TPCN2: variants seen among roughly 807,000 people sequenced by gnomAD.
TPCN2 encodes two pore segment channel 2.
Under a neutral mutation model 111.4 loss-of-function variants are expected in TPCN2, and 92 were observed. The ratio of observed to expected loss-of-function variants is 0.83; its 90% CI spans 0.70 to 0.98. The LOEUF is 0.98. Ranked by LOEUF, TPCN2 falls within the 50% of genes least tolerant of loss-of-function variation. TPCN2 has a pLI of 0.00. For missense variants in TPCN2, 995 were observed against 980.1 expected (o/e 1.02, Z -0.20); for synonymous variants, 405 against 414.5 (o/e 0.98, Z 0.28).
At chr11:69,050,026 C>G (rs865813876) in intron 1 of TPCN2, among the ~76,000 whole-genome samples, 1 of 152,220 alleles carries the variant, frequency 6.6e-6, no homozygotes, top group Non-Finnish European at 1.5e-5. Flanking sequence ...TCCTTCTTTC[C>G]TCCTCTGTCT....
chr11:69,061,560 C>T (rs1855022527), intron 5 of TPCN2, among the ~76,000 whole-genome samples: 1 of 152,144 alleles, frequency 6.6e-6, no homozygotes. Flanking sequence ...GGGTGCCCAG[C>T]ACAGGCGGAT....
chr11:69,049,369 C>T (rs1465363177), intron 1 of TPCN2, among the ~76,000 whole-genome samples: 1 of 152,226 alleles, frequency 6.6e-6, no homozygotes, highest in Non-Finnish European at 1.5e-5. Flanking sequence ...GGCGAAGAGG[C>T]CCTCGCCCAG....
At position 69,087,876 on chromosome 11, in the gene TPCN2, G is replaced by A. The variant is rs937486248; in HGVS notation, c.2182G>A (p.Asp728Asn). The A allele has an allele frequency of 6.2e-7, 1 of 1,612,610 alleles. No homozygotes were observed. The highest frequency in any genetic ancestry group is 8.5e-7 in the Non-Finnish European group (1 of 1,179,720). ...YQMTVELLFR[D>N]ILEEPGEDEL... ...GTGCATCTTTCCTCAATTCCACAGG[G>A]ATATTCTGGAGGAGCCCGGGGAGGA... Residue 728 changes from aspartate (D) to asparagine (N), a missense_variant and splice_region_variant, in exon 25 of 25, where the codon GAT becomes AAT. By Grantham distance (23) the Asp-to-Asn change is conservative. Transcript: ENST00000294309.
At chr11:69,063,561 C>T (rs548393229) in intron 6 of TPCN2, among the ~76,000 whole-genome samples, 245 of 152,216 alleles carry the variant, frequency 1.6e-3, no homozygotes, top group African/African-American at 4.4e-3. Flanking sequence ...TAGTGGCTCA[C>T]GTGCTGACCC....
rs931036446 is a variant in TPCN2, at chr11:69,088,256, C to T, written c.*303C>T. 1.9e-5 allele frequency: 7 copies of T among 363,682 alleles called. No homozygotes were observed. The highest frequency in any genetic ancestry group is 3.6e-5 in the Non-Finnish European group (7 of 196,348). 22.5% of individuals were successfully genotyped at this position (363,682 alleles called of 1,614,324 possible). Reference sequence around the variant, plus strand: ...AGACAAAAATGCAAGAAGCAGCGGCCTCCCCTGTCCCCTGCAGCTTCCGTG... The same window carrying T: ...AGACAAAAATGCAAGAAGCAGCGGCTTCCCCTGTCCCCTGCAGCTTCCGTG... On this transcript the variant is annotated 3_prime_UTR_variant, in exon 25 of 25. Transcript: ENST00000294309.
chr11:69,082,349 CAT>C (rs2134631714), intron 18 of TPCN2, among the ~76,000 whole-genome samples: 1 of 152,374 alleles, frequency 6.6e-6, no homozygotes, highest in Admixed American at 6.5e-5. Flanking sequence ...CACAGGCACA[CAT>C]GATCATACAC....
At chr11:69,072,789 G>A in intron 12 of TPCN2, 81 bp downstream of exon 12, 1 of 1,575,040 alleles carries the variant, frequency 6.3e-7, no homozygotes, top group Non-Finnish European at 8.7e-7. Context: ...CAGGACTAGG[G>A]GTGTGGCTTC....
At position 69,062,886 on chromosome 11, in the gene TPCN2, C is replaced by T. The variant is rs1308298189; in HGVS notation, c.549C>T (p.Pro183=). Residue 183 remains proline (P), a splice_region_variant and synonymous_variant, in exon 6 of 25, where the codon CCC becomes CCT. Transcript: ENST00000294309. ...TCAGTTTCCTGGGTCTCTTCCAGCC[C>T]CTGCGGATCCGCCGGCTTCTCCGTC... The part of the protein sequence containing the change: ...TVSLSLVCHE[P]LRIRRLLRPF... 1.9e-6 allele frequency: 3 copies of T among 1,613,868 alleles called. No individual in the cohort carries two copies. The highest frequency in any genetic ancestry group is 2.7e-5 in the African/African-American group (2 of 75,058).
chr11:69,056,116 G>A (rs967628967), intron 4 of TPCN2, among the ~76,000 whole-genome samples: 2 of 152,236 alleles, frequency 1.3e-5, no homozygotes, highest in Non-Finnish European at 2.9e-5. Flanking sequence ...TTCCAGTGCT[G>A]CGGTCTCAGG....
In TPCN2 at chr11:69,081,518, C is replaced by G. The variant is rs1348614036; in HGVS notation, c.1689+19C>G. On this transcript the variant is annotated intron_variant, in intron 18 of 24. Transcript: ENST00000294309. ...CATGAAGGTGTGTGCCGGCCCCACC[C>G]CCACTCGCCCCACCCTCCTGGGTCA... The G allele has an allele frequency of 6.6e-7, 1 of 1,509,356 alleles. No individual in the cohort carries two copies. The highest frequency in any genetic ancestry group is 1.2e-5 in the South Asian group (1 of 82,078). The allele number at this position is 1,509,356 out of a possible 1,614,324, so 93.5% of individuals were successfully genotyped here. A position where few individuals can be genotyped will look rare whatever the true frequency, so the allele number is the denominator to read the frequency against.
chr11:69,087,166 C>T lies in TPCN2; in HGVS notation c.2140C>T (p.Pro714Ser). 1 of 1,613,948 alleles carries T rather than the reference C, an allele frequency of 6.2e-7. No homozygotes were observed. The highest frequency in any genetic ancestry group is 8.5e-7 in the Non-Finnish European group (1 of 1,179,898). The part of the protein sequence containing the change: ...RSHLQPLAGT[P>S]EATYQMTVEL... The stretch of plus-strand genomic sequence containing the variant: ...CCACCTGCAGCCCCTTGCTGGGACC[C>T]CAGAGGCCACCTACCAGATGACTGT... Residue 714 changes from proline to serine, a missense_variant, in exon 24 of 25, where the codon CCA (proline) becomes TCA (serine). Transcript: ENST00000294309.
In TPCN2 at chr11:69,072,626, G is replaced by A. The variant is rs1355811873; in HGVS notation, c.1062-1G>A. 1.9e-6 allele frequency: 3 copies of A among 1,613,778 alleles called. No individual in the cohort carries two copies. In the African/African-American group the frequency reaches 4.0e-5, roughly 22 times the overall value. ...ACCGGGCTGTGGGTTTTTCCCTGCA[G>A]AGTTGGGGTGAAGCCCCAGAACTTG... On this transcript the variant is annotated splice_acceptor_variant, in intron 11 of 24. Coordinates refer to ENST00000294309, the MANE Select transcript of TPCN2 (RefSeq NM_139075.4). LOFTEE classifies it high-confidence loss of function.
At position 69,070,510 on chromosome 11, in the gene TPCN2, C is replaced by T. The variant is rs1565087820; in HGVS notation, c.895+15C>T. 16 of 1,587,506 alleles carry T rather than the reference C, an allele frequency of 1.0e-5. No homozygotes were observed. The highest frequency in any genetic ancestry group is 4.6e-5 in the South Asian group (4 of 86,354). ...CACTGTGATAGGTGAGTGCAGGTAA[C>T]GTGGCCAGCATTTTGTGACAGGATC... On this transcript the variant is annotated intron_variant, in intron 9 of 24. Transcript: ENST00000294309.
intron 16 of TPCN2, 50 bp from the exon 17 acceptor site, chr11:69,079,784 C>T (rs754861542): frequency 6.4e-7 from 1 of 1,566,430 alleles, no homozygotes; most frequent in Non-Finnish European, 8.8e-7. Flanking sequence ...TTAAGGGCCG[C>T]CCAGATTAGT....
intron 24 of TPCN2, 58 bp downstream of exon 24, chr11:69,087,264 G>T: frequency 6.7e-7 from 1 of 1,493,202 alleles, no homozygotes. Context: ...GCCAAGAGCT[G>T]GGGGGTGGAG....
At chr11:69,056,075 G>A (rs1854751074) in intron 4 of TPCN2, among the ~76,000 whole-genome samples, 1 of 152,228 alleles carries the variant, frequency 6.6e-6, no homozygotes, top group Non-Finnish European at 1.5e-5. Context: ...GGGAGGTGCA[G>A]GCTACGTTTT....
intron 5 of TPCN2, among the ~76,000 whole-genome samples, chr11:69,060,837 G>C (rs1305775201): frequency 6.6e-6 from 1 of 152,232 alleles, no homozygotes; most frequent in Non-Finnish European, 1.5e-5. Flanking sequence ...TAAGACCAGA[G>C]TTTCCAACCA....
Position 69,082,825 on chromosome 11 carries a change from T to A in TPCN2, c.1690-1120T>A, listed in dbSNP as rs60904925. On this transcript the variant is annotated intron_variant, in intron 18 of 24. Transcript: ENST00000294309. ...CCCGTGTAAGACGCATGATCGTGTG[T>A]GCACACATCACGTGCAGATATCCAT... 5.0e-5 allele frequency among the ~76,000 whole-genome samples: 3 copies of A among 59,976 alleles called. 1 individual carries two copies. Among genetic ancestry groups the A allele is most frequent in the African/African-American group, 1.1e-4 (2 of 18,996 alleles). 39.3% of individuals were successfully genotyped at this position (59,976 alleles called of 152,430 possible).
At chr11:69,050,275 C>G (rs531890901) in intron 1 of TPCN2, among the ~76,000 whole-genome samples, 3 of 152,338 alleles carry the variant, frequency 2.0e-5, no homozygotes, top group African/African-American at 4.8e-5. Flanking sequence ...TGATGAGACG[C>G]CCAGCATATG....
Sources: gnomAD v4.1 joint callset for allele counts (sites outside exome capture counted in the v4.1 genomes callset) on GRCh38, gnomAD v4.1.1 for gene constraint, MANE v1.5 for transcripts, NCBI Gene and HGNC (gene_info 2026-07-23, HGNC 2026-07-21) for gene names.